Variants in CEP290 observed in about 807,000 individuals in gnomAD.
CEP290 encodes the protein centrosomal protein 290.
In CEP290, 317 loss-of-function variants were observed where a neutral mutation model predicts 344.9. The observed-to-expected ratio is 0.92, with a 90% CI of 0.84 to 1.01. The LOEUF is 1.01. CEP290 is among the 50% of genes least tolerant of loss of function. The probability of loss-of-function intolerance (pLI) is 0.00; values close to 1 mark genes in which losing one functional copy is unlikely to be tolerated. For synonymous variants in CEP290, 932 were observed against 895.8 expected (o/e 1.04, Z -0.72); for missense variants, 2,754 against 2,761.4 (o/e 1.00, Z 0.06).
At position 88,111,634 on chromosome 12, in the gene CEP290, T is replaced by C. The variant is rs561431218; in HGVS notation, c.2217+60A>G. 6.5e-6 allele frequency: 9 copies of C among 1,390,642 alleles called. No individual in the cohort carries two copies. The East Asian group carries it at 2.5e-4, about 38-fold the overall frequency. 86.1% of individuals were successfully genotyped at this position (1,390,642 alleles called of 1,614,324 possible). On this transcript the variant is annotated intron_variant, in intron 21 of 53. Transcript: ENST00000552810. ...AGCATTCTTTTTAAAAAATTAAAAATTTCCTATTAAATCTACATTCTTATG... is the reference window on the plus strand; with the variant it reads ...AGCATTCTTTTTAAAAAATTAAAAACTTCCTATTAAATCTACATTCTTATG...
At position 88,090,828 on chromosome 12, in the gene CEP290, ATC is replaced by A; in HGVS notation, c.3471_3472del (p.Glu1157AspfsTer3). Reference sequence around the variant, plus strand: ...AACTTGTCTTCTGGCAATATCAGAAATCTCTCTCAGTCTAGGAAATGATAAGG... The same window carrying A: ...AACTTGTCTTCTGGCAATATCAGAAATCTCTCAGTCTAGGAAATGATAAGG... On this transcript the variant is annotated frameshift_variant, in exon 30 of 54. Transcript: ENST00000552810. LOFTEE classifies it high-confidence loss of function. 1 of 1,550,372 alleles carries A rather than the reference ATC, an allele frequency of 6.5e-7. No individual in the cohort carries two copies. Among genetic ancestry groups the A allele is most frequent in the East Asian group, 2.4e-5 (1 of 42,176 alleles).
At chr12:88,139,453 T>C (rs2040516618) in intron 4 of CEP290, 42 bp downstream of exon 4, 1 of 1,407,392 alleles carries the variant, frequency 7.1e-7, no homozygotes, top group Non-Finnish European at 9.8e-7. Context: ...CAAATGGAAT[T>C]CATTATTTAA....
chr12:88,122,073 A>G (rs556291307), intron 13 of CEP290, among the ~76,000 whole-genome samples: 96 of 152,252 alleles, frequency 6.3e-4, no homozygotes, highest in African/African-American at 2.0e-3. Flanking sequence ...TATATATTTA[A>G]TATTGGACTT....
chr12:88,062,661 C>A, intron 46 of CEP290, 31 bp downstream of exon 46: 1 of 1,493,986 alleles, frequency 6.7e-7, no homozygotes, highest in Non-Finnish European at 9.3e-7. Context: ...CTGCTGAAAC[C>A]AAAACAAATG....
chr12:88,112,196 G>A (rs1023780445), intron 20 of CEP290, among the ~76,000 whole-genome samples: 1 of 152,092 alleles, frequency 6.6e-6, no homozygotes, highest in Non-Finnish European at 1.5e-5. Flanking sequence ...TAAATTCTCT[G>A]TATCTTAGTT....
chr12:88,109,165 T>A lies in CEP290; in HGVS notation c.2384A>T (p.Glu795Val). 8.0e-7 allele frequency: 1 copy of A among 1,251,922 alleles called. No individual in the cohort carries two copies. The allele number at this position is 1,251,922 out of a possible 1,614,324, so 77.6% of individuals were successfully genotyped here. A position where few individuals can be genotyped will look rare whatever the true frequency, so the allele number is the denominator to read the frequency against. ...ATCTTCTAAATTCTTTAACTTTTTTTCTTTATTTTCTAGTTCCTGAAAAGT... is the reference window on the plus strand; with the variant it reads ...ATCTTCTAAATTCTTTAACTTTTTTACTTTATTTTCTAGTTCCTGAAAAGT... Reference protein sequence around the residue: ...IHLLQELENKEKKLKNLEDSL... With the variant: ...IHLLQELENKVKKLKNLEDSL... Residue 795 changes from glutamate to valine, a missense_variant, in exon 23 of 54, where the codon GAA becomes GTA. Physicochemically the swap from Glu to Val is moderately radical, Grantham distance 121. Coordinates refer to ENST00000552810, the MANE Select transcript of CEP290 (RefSeq NM_025114.4).
Position 88,139,140 on chromosome 12 carries a change from C to T in CEP290, c.297+5G>A, listed in dbSNP as rs777962045. 2.6e-6 allele frequency: 3 copies of T among 1,163,052 alleles called. No homozygotes were observed. Among genetic ancestry groups the T allele is most frequent in the East Asian group, 5.6e-5 (2 of 35,956 alleles). 72.0% of individuals were successfully genotyped at this position (1,163,052 alleles called of 1,614,324 possible). A position where few individuals can be genotyped will look rare whatever the true frequency, so the allele number is the denominator to read the frequency against. ...TTACATCCTAGGGAATACAAAAAGA[C>T]ATACCTCCAGTTCATTTTCCAGTTT... On this transcript the variant is annotated splice_donor_5th_base_variant and intron_variant, in intron 5 of 53. Transcript: ENST00000552810.
At chr12:88,103,430 A>G (rs2038049325) in intron 25 of CEP290, 1 of 153,502 alleles carries the variant, frequency 6.5e-6, no homozygotes, top group South Asian at 2.0e-4. Flanking sequence ...TGCTTATTGT[A>G]AGTTAAACGG....
chr12:88,127,831 C>T (rs1427729367), intron 11 of CEP290, among the ~76,000 whole-genome samples: 1 of 152,010 alleles, frequency 6.6e-6, no homozygotes, highest in African/African-American at 2.4e-5. Context: ...CACAAATTAT[C>T]AAATTAACAC....
At chr12:88,101,741 A>G (rs911007426) in intron 26 of CEP290, among the ~76,000 whole-genome samples, 6 of 152,080 alleles carry the variant, frequency 3.9e-5, no homozygotes, top group Non-Finnish European at 7.4e-5. Flanking sequence ...TCATTGATAC[A>G]TTATCCACAA....
At position 88,077,293 on chromosome 12, in the gene CEP290, TC is replaced by T; in HGVS notation, c.5637del (p.Val1881LeufsTer4). 6.3e-7 allele frequency: 1 copy of T among 1,599,520 alleles called. No individual in the cohort carries two copies. The highest frequency in any genetic ancestry group is 8.5e-7 in the Non-Finnish European group (1 of 1,172,560). On this transcript the variant is annotated frameshift_variant, in exon 41 of 54. Transcript: ENST00000552810. LOFTEE classifies it high-confidence loss of function. ...NKQSLIEELQ[R>X]KVKKLENQLE... ...AATTGGTTCTCTAGTTTTTTAACTT[TC>T]CTTTGGAGTTCTTCAATTAGACTTT...
intron 5 of CEP290, among the ~76,000 whole-genome samples, chr12:88,138,752 T>C (rs1013262459): frequency 1.6e-4 from 24 of 152,210 alleles, no homozygotes; most frequent in Admixed American, 1.4e-3. Context: ...CATTCCTACC[T>C]TCTCAGGAAT....
intron 44 of CEP290, 55 bp from the exon 45 acceptor site, chr12:88,064,170 A>G: frequency 7.1e-7 from 1 of 1,404,350 alleles, no homozygotes; most frequent in Non-Finnish European, 9.6e-7. Flanking sequence ...AAAAGCCATA[A>G]AAGACATACT....
chr12:88,118,645 C>G lies in CEP290; in HGVS notation c.1621G>C (p.Glu541Gln), dbSNP rs1288183320. ...AATCAACTGACTACCACACTTGCCTCTTTCAAAAGAATCTGGTTTTCAGCT... is the reference window on the plus strand; with the variant it reads ...AATCAACTGACTACCACACTTGCCTGTTTCAAAAGAATCTGGTTTTCAGCT... The part of the protein sequence containing the change: ...YRAENQILLK[E>Q]IESLEEERLD... The change falls in exon 16 of 54, where the codon GAG becomes CAG. Residue 541 changes from glutamate to glutamine, a missense_variant and splice_region_variant. By Grantham distance (29) the Glu-to-Gln change is conservative. Transcript: ENST00000552810. The G allele has an allele frequency of 6.2e-7, 1 of 1,613,038 alleles. No individual in the cohort carries two copies. The highest frequency in any genetic ancestry group is 8.5e-7 in the Non-Finnish European group (1 of 1,179,402).
chr12:88,060,936 T>G lies in CEP290; in HGVS notation c.6416A>C (p.Lys2139Thr). Residue 2139 changes from lysine (K) to threonine (T), a missense_variant, in exon 47 of 54, where the codon AAA becomes ACA. Transcript: ENST00000552810. ...ELEKTIGLMK[K>T]VVEKVQRENE... ...TTCTCTCTGGACTTTTTCAACTACT[T>G]TTTTCATTAAACCAATGGTTTTTTC... The G allele has an allele frequency of 6.4e-7, 1 of 1,560,216 alleles. No individual in the cohort carries two copies. Among genetic ancestry groups the G allele is most frequent in the Non-Finnish European group, 8.7e-7 (1 of 1,150,992 alleles).
intron 43 of CEP290, among the ~76,000 whole-genome samples, chr12:88,068,882 T>C (rs1166800019): frequency 6.6e-6 from 1 of 152,082 alleles, no homozygotes; most frequent in African/African-American, 2.4e-5. Context: ...AGTCAAAAAG[T>C]ATATTTTGAT....
Position 88,111,825 on chromosome 12 carries a change from C to G in CEP290, c.2086G>C (p.Asp696His). ...TGGGCTTTCAAATGCAGACTCGCAT[C>G]AAAGATTCCTTCTGCATTCTTTGAT... Reference protein sequence around the residue: ...IESKNAEGIFDASLHLKAQVD... With the variant: ...IESKNAEGIFHASLHLKAQVD... Residue 696 changes from aspartate to histidine, a missense_variant, in exon 21 of 54, where the codon GAT (aspartate) becomes CAT (histidine). By Grantham distance (81) the Asp-to-His change is moderately conservative. Coordinates refer to ENST00000552810, the MANE Select transcript of CEP290 (RefSeq NM_025114.4). 1 of 1,602,092 alleles carries G rather than the reference C, an allele frequency of 6.2e-7. No individual in the cohort carries two copies. Among genetic ancestry groups the G allele is most frequent in the Non-Finnish European group, 8.5e-7 (1 of 1,174,666 alleles).
intron 1 of CEP290, 87 bp from the exon 2 acceptor site, chr12:88,141,421 CATT>C: frequency 1.7e-6 from 1 of 600,286 alleles, no homozygotes; most frequent in Non-Finnish European, 2.7e-6. Flanking sequence ...CAGATTATTT[CATT>C]ATAACTTTCT....
chr12:88,067,434 C>T (rs1195016839), intron 44 of CEP290, among the ~76,000 whole-genome samples: 2 of 152,158 alleles, frequency 1.3e-5, no homozygotes, highest in African/African-American at 4.8e-5. Context: ...ACCAGGGACG[C>T]GTCCTTTCTT....
Sources: gnomAD v4.1 joint callset for allele counts (sites outside exome capture counted in the v4.1 genomes callset) on GRCh38, gnomAD v4.1.1 for gene constraint, MANE v1.5 for transcripts, NCBI Gene and HGNC (gene_info 2026-07-23, HGNC 2026-07-21) for gene names.